CADM2: variants seen among roughly 807,000 people sequenced by gnomAD.
The protein encoded by CADM2 is immunoglobulin superfamily member 4D.
In CADM2, 12 loss-of-function variants were observed where a neutral mutation model predicts 49.8. That is an observed-to-expected ratio of 0.24 (90% CI 0.15 to 0.39). CADM2 has a LOEUF of 0.39. CADM2 is among the 10% of genes least tolerant of loss of function. The probability of loss-of-function intolerance (pLI) is 1.00; values close to 1 mark genes in which losing one functional copy is unlikely to be tolerated. For missense variants in CADM2, 378 were observed against 492.3 expected (o/e 0.77, Z 2.20); for synonymous variants, 214 against 175.4 (o/e 1.22, Z -1.74).
At chr3:85,654,586 A>G (rs888347117) in intron 1 of CADM2, among the ~76,000 whole-genome samples, 4 of 152,240 alleles carry the variant, frequency 2.6e-5, no homozygotes, top group Admixed American at 2.6e-4. Context: ...TAGAAGATCC[A>G]GAGAGTCATT....
intron 1 of CADM2, among the ~76,000 whole-genome samples, chr3:85,674,579 T>A (rs2065839738): frequency 6.6e-6 from 1 of 152,174 alleles, no homozygotes; most frequent in Admixed American, 6.5e-5. Flanking sequence ...ACTTTTTAGT[T>A]TTTGAAATAT....
intron 8 of CADM2, among the ~76,000 whole-genome samples, chr3:86,047,887 A>G (rs1736856933): frequency 6.6e-6 from 1 of 152,166 alleles, no homozygotes. Context: ...TTTTCTTTGG[A>G]TTAGTGATAG....
chr3:84,983,745 A>G (rs1575970073), intron 1 of CADM2, among the ~76,000 whole-genome samples: 1 of 152,296 alleles, frequency 6.6e-6, no homozygotes, highest in Non-Finnish European at 1.5e-5. Context: ...CAACTCAGAC[A>G]TGGCAGCCAG....
chr3:85,428,953 A>C (rs2036546637), intron 1 of CADM2, among the ~76,000 whole-genome samples: 1 of 151,946 alleles, frequency 6.6e-6, no homozygotes, highest in Admixed American at 6.6e-5. Context: ...AATAGTAGTC[A>C]AATTCTCTGA....
chr3:85,912,353 A>G lies in CADM2; in HGVS notation c.530-20A>G. ...TATTTTGAAAGGTGTCACATTTTAA[A>G]ATTCATATTTTATTTTCAGATGTAA... is the stretch of plus-strand genomic sequence containing the variant. On this transcript the variant is annotated intron_variant, in intron 5 of 9. Transcript: ENST00000383699. 6.3e-7 allele frequency: 1 copy of G among 1,575,546 alleles called. No homozygotes were observed. Among genetic ancestry groups the G allele is most frequent in the Non-Finnish European group, 8.7e-7 (1 of 1,154,806 alleles).
intron 1 of CADM2, among the ~76,000 whole-genome samples, chr3:85,541,115 T>C (rs1324639663): frequency 6.6e-6 from 1 of 151,002 alleles, no homozygotes; most frequent in Non-Finnish European, 1.5e-5. Flanking sequence ...TATAATCTAA[T>C]TTTCACATAA....
chr3:85,431,319 T>C (rs2036653045), intron 1 of CADM2, among the ~76,000 whole-genome samples: 1 of 152,138 alleles, frequency 6.6e-6, no homozygotes. Context: ...AAGCAATGCA[T>C]GACTGTAATT....
At chr3:85,988,012 T>C (rs12486982) in intron 8 of CADM2, among the ~76,000 whole-genome samples, 46,369 of 151,976 alleles carry the variant, frequency 0.31, 8,372 homozygotes, top group East Asian at 0.41. Flanking sequence ...CTGTATAAGC[T>C]TGGTGAAACA....
intron 8 of CADM2, among the ~76,000 whole-genome samples, chr3:86,052,957 C>T (rs1282752826): frequency 6.6e-6 from 1 of 152,034 alleles, no homozygotes; most frequent in Non-Finnish European, 1.5e-5. Flanking sequence ...ACTATCTGAT[C>T]ACTACATTCT....
chr3:85,797,560 C>A (rs1012454739), intron 2 of CADM2, among the ~76,000 whole-genome samples: 2 of 152,172 alleles, frequency 1.3e-5, no homozygotes, highest in African/African-American at 4.8e-5. Flanking sequence ...TTTCCAGATT[C>A]ATCCATATCC....
intron 1 of CADM2, among the ~76,000 whole-genome samples, chr3:85,533,549 G>A (rs1362884592): frequency 5.9e-5 from 9 of 152,158 alleles, no homozygotes; most frequent in Admixed American, 5.9e-4. Flanking sequence ...CAAATGGCAA[G>A]TGTCATTAAG....
chr3:85,704,534 T>G (rs191539045), intron 1 of CADM2, among the ~76,000 whole-genome samples: 272 of 152,214 alleles, frequency 1.8e-3, no homozygotes, highest in Non-Finnish European at 3.5e-3. Context: ...AGAGAAGACA[T>G]AGAGAAAGCA....
intron 1 of CADM2, among the ~76,000 whole-genome samples, chr3:85,476,897 A>AACACACACACACAC (rs35319709): frequency 6.9e-6 from 1 of 145,908 alleles, no homozygotes; most frequent in African/African-American, 2.5e-5. Flanking sequence ...AAAGATTTTA[A>AACACACACACACAC]ACACACACAC....
intron 1 of CADM2, among the ~76,000 whole-genome samples, chr3:85,439,935 T>C (rs1239491209): frequency 6.6e-6 from 1 of 152,248 alleles, no homozygotes; most frequent in Non-Finnish European, 1.5e-5. Context: ...AAACATTTTA[T>C]AAATCAAAGT....
At chr3:85,845,703 G>T (rs2074851001) in intron 3 of CADM2, among the ~76,000 whole-genome samples, 2 of 152,186 alleles carry the variant, frequency 1.3e-5, no homozygotes. Flanking sequence ...CGGGATGTTT[G>T]AGTGGGCCTC....
chr3:85,484,543 A>C (rs1425022884), intron 1 of CADM2, among the ~76,000 whole-genome samples: 4 of 151,814 alleles, frequency 2.6e-5, no homozygotes, highest in Non-Finnish European at 4.4e-5. Flanking sequence ...CATACTAACA[A>C]AGTTATTCTA....
At chr3:85,056,678 A>G (rs1034149489) in intron 1 of CADM2, among the ~76,000 whole-genome samples, 1 of 152,130 alleles carries the variant, frequency 6.6e-6, no homozygotes, top group African/African-American at 2.4e-5. Context: ...ATTAAGTGAA[A>G]TGATATATGC....
At chr3:85,505,107 C>T (rs1352731763) in intron 1 of CADM2, among the ~76,000 whole-genome samples, 2 of 152,132 alleles carry the variant, frequency 1.3e-5, no homozygotes, top group African/African-American at 4.8e-5. Context: ...CCTTGGCCAG[C>T]CCAGGAGGGG....
At chr3:85,650,110 A>G (rs1476680687) in intron 1 of CADM2, among the ~76,000 whole-genome samples, 1 of 152,116 alleles carries the variant, frequency 6.6e-6, no homozygotes, top group Non-Finnish European at 1.5e-5. Flanking sequence ...TCCAAAAATC[A>G]TGACGTTCAA....
Sources: gnomAD v4.1 joint callset for allele counts (sites outside exome capture counted in the v4.1 genomes callset) on GRCh38, gnomAD v4.1.1 for gene constraint, MANE v1.5 for transcripts, NCBI Gene and HGNC (gene_info 2026-07-23, HGNC 2026-07-21) for gene names.